The following ATG2B variants were observed in gnomAD, a reference collection of about 807,000 sequenced individuals.
ATG2B encodes autophagy-related protein 2 homolog B.
In ATG2B, 121 loss-of-function variants were observed where a neutral mutation model predicts 241.3. The ratio of observed to expected loss-of-function variants is 0.50; its 90% CI spans 0.43 to 0.58. The LOEUF is 0.58. Ranked by LOEUF, ATG2B falls within the 20% of genes least tolerant of loss-of-function variation. The pLI, the probability that ATG2B is intolerant of heterozygous loss-of-function variation, is 0.00. For missense variants in ATG2B, 2,306 were observed against 2,491.6 expected (o/e 0.93, Z 1.59); for synonymous variants, 858 against 876.6 (o/e 0.98, Z 0.37).
At chr14:96,293,713 T>C (rs1315859860) in intron 36 of ATG2B, among the ~76,000 whole-genome samples, 1 of 152,204 alleles carries the variant, frequency 6.6e-6, no homozygotes, top group East Asian at 1.9e-4. Flanking sequence ...TAGGAGCCTT[T>C]GAGAGTACAA....
At chr14:96,349,431 T>G (rs1004564449) in intron 1 of ATG2B, among the ~76,000 whole-genome samples, 1 of 152,102 alleles carries the variant, frequency 6.6e-6, no homozygotes, top group Non-Finnish European at 1.5e-5. Flanking sequence ...ATGATGAGAT[T>G]CAAACTTTGA....
intron 1 of ATG2B, among the ~76,000 whole-genome samples, chr14:96,350,601 AATAAC>A (rs1210413253): frequency 8.5e-5 from 13 of 152,350 alleles, no homozygotes; most frequent in Middle Eastern, 6.8e-3. Context: ...TTCAAATTAA[AATAAC>A]ATATTTATTA....
intron 20 of ATG2B, among the ~76,000 whole-genome samples, chr14:96,316,925 G>A (rs1031337808): frequency 6.6e-6 from 1 of 151,838 alleles, no homozygotes; most frequent in Non-Finnish European, 1.5e-5. Flanking sequence ...AGCAGAATTA[G>A]CACCTGTTTT....
intron 1 of ATG2B, among the ~76,000 whole-genome samples, chr14:96,357,127 C>T (rs1476643578): frequency 6.6e-6 from 1 of 152,142 alleles, no homozygotes; most frequent in Admixed American, 6.5e-5. Flanking sequence ...ATGACAAATG[C>T]AATAAACAAT....
chr14:96,342,850 AAG>A (rs1888077965), intron 5 of ATG2B, among the ~76,000 whole-genome samples: 1 of 152,170 alleles, frequency 6.6e-6, no homozygotes, highest in Non-Finnish European at 1.5e-5. Context: ...CATTTTGAAT[AAG>A]AGATACTCAA....
chr14:96,340,895 C>T (rs1323235591), intron 6 of ATG2B, among the ~76,000 whole-genome samples: 1 of 143,024 alleles, frequency 7.0e-6, no homozygotes, highest in East Asian at 2.0e-4. Flanking sequence ...CCCTGCACCC[C>T]TGCCTGGGCA....
At chr14:96,288,792 C>T (rs577119450) in intron 41 of ATG2B, among the ~76,000 whole-genome samples, 52 of 147,260 alleles carry the variant, frequency 3.5e-4, no homozygotes, top group African/African-American at 1.2e-3. Flanking sequence ...CAGGGAATGA[C>T]GCTGACAACA....
At chr14:96,329,174 T>C (rs1347967658) in intron 12 of ATG2B, among the ~76,000 whole-genome samples, 1 of 152,196 alleles carries the variant, frequency 6.6e-6, no homozygotes, top group Non-Finnish European at 1.5e-5. Context: ...CGATAATTAT[T>C]TGTTCAATAA....
At position 96,281,314 on chromosome 14, in the gene ATG2B, TTAAA is replaced by T. The variant is rs1461305910; in HGVS notation, c.*4437_*4440del. ...AAGAGTATTCTTATTTTCATATTAT[TTAAA>T]TAGTCACATTAACAAGGTACATTTC... On this transcript the variant is annotated 3_prime_UTR_variant, in exon 42 of 42. Transcript: ENST00000359933. 3 of 152,226 alleles carry T rather than the reference TTAAA, an allele frequency of 2.0e-5. No homozygotes were observed. The highest frequency in any genetic ancestry group is 7.2e-5 in the African/African-American group (3 of 41,464). The allele number at this position is 152,226 out of a possible 1,614,324, so 9.4% of individuals were successfully genotyped here. A position where few individuals can be genotyped will look rare whatever the true frequency, so the allele number is the denominator to read the frequency against.
At chr14:96,288,847 C>T (rs1886408294) in intron 41 of ATG2B, among the ~76,000 whole-genome samples, 1 of 150,212 alleles carries the variant, frequency 6.7e-6, no homozygotes, top group South Asian at 2.1e-4. Context: ...ACAACCGTGT[C>T]AGAGAGCAAT....
chr14:96,358,022 G>A (rs1227538903), intron 1 of ATG2B, among the ~76,000 whole-genome samples: 4 of 152,170 alleles, frequency 2.6e-5, no homozygotes, highest in East Asian at 1.9e-4. Context: ...TGAGAGAAAC[G>A]GGACTTGATG....
intron 6 of ATG2B, among the ~76,000 whole-genome samples, chr14:96,340,148 AATATATATATC>A (rs1887988987): frequency 6.8e-5 from 1 of 14,618 alleles, no homozygotes; most frequent in East Asian, 5.5e-4. Flanking sequence ...GATATATATG[AATATATATATC>A]ATATATGATA....
intron 4 of ATG2B, among the ~76,000 whole-genome samples, chr14:96,344,362 T>A (rs1033391489): frequency 6.6e-6 from 1 of 152,202 alleles, no homozygotes; most frequent in South Asian, 2.1e-4. Context: ...CAGGAAAGCC[T>A]TAAATTCAGT....
Position 96,322,578 on chromosome 14 carries a change from G to C in ATG2B, c.2698C>G (p.Pro900Ala). The C allele has an allele frequency of 2.5e-6, 4 of 1,613,024 alleles. No homozygotes were observed. The highest frequency in any genetic ancestry group is 3.4e-6 in the Non-Finnish European group (4 of 1,179,728). ...VCDLRRPAPS[P>A]FSSRRVMFEN... Reference sequence around the variant, plus strand: ...AACATTACTCTACGAGAAGAAAAAGGAGATGGGGCTGGTCTTCTTAGATCA... The same window carrying C: ...AACATTACTCTACGAGAAGAAAAAGCAGATGGGGCTGGTCTTCTTAGATCA... The change falls in exon 17 of 42, where the codon CCT becomes GCT. Residue 900 changes from proline to alanine, a missense_variant. Physicochemically the swap from Pro to Ala is conservative, Grantham distance 27. Coordinates refer to ENST00000359933, the MANE Select transcript of ATG2B (RefSeq NM_018036.7).
At chr14:96,308,273 TATATATA>T (rs2139855125) in intron 29 of ATG2B, among the ~76,000 whole-genome samples, 1 of 39,424 alleles carries the variant, frequency 2.5e-5, no homozygotes, top group South Asian at 7.9e-4. Flanking sequence ...TATATATATA[TATATATA>T]TATTTTTTTT....
In ATG2B at chr14:96,344,677, A is replaced by T. The variant is rs764089540; in HGVS notation, c.558T>A (p.Thr186=). The change falls in exon 4 of 42, where the codon ACT becomes ACA. Residue 186 remains threonine, a synonymous_variant. Coordinates refer to ENST00000359933, the MANE Select transcript of ATG2B (RefSeq NM_018036.7). The stretch of plus-strand genomic sequence containing the variant: ...ACCTTTCTATTCGAATTTCAAGTGC[A>T]GTTCCAGTTTTGGAATTTTCTGGCA... ...EHVPENSKTG[T]ALEIRIERTV... 3 of 1,603,982 alleles carry T rather than the reference A, an allele frequency of 1.9e-6. No individual in the cohort carries two copies. The South Asian group carries it at 3.3e-5, about 18-fold the overall frequency.
chr14:96,295,449 G>T, intron 35 of ATG2B, 33 bp downstream of exon 35: 1 of 1,377,274 alleles, frequency 7.3e-7, no homozygotes, highest in Non-Finnish European at 1.0e-6. Context: ...CCAAGTACTT[G>T]GTATAGTCTT....
At position 96,329,999 on chromosome 14, in the gene ATG2B, G is replaced by A. The variant is rs936803444; in HGVS notation, c.1731-365C>T. ...ATGAGGTCTACCTATATTTTCTGCCGCTTTTGTTCTATTTTCCTACTGGCA... is the reference window on the plus strand; with the variant it reads ...ATGAGGTCTACCTATATTTTCTGCCACTTTTGTTCTATTTTCCTACTGGCA... On this transcript the variant is annotated intron_variant, in intron 11 of 41. Transcript: ENST00000359933. Among the ~76,000 whole-genome samples, 13 of 150,534 alleles carry A rather than the reference G, an allele frequency of 8.6e-5. No homozygotes were observed. In the East Asian group the frequency reaches 1.9e-3, roughly 23 times the overall value.
chr14:96,347,902 A>AATTGTT (rs1888211223), intron 1 of ATG2B, among the ~76,000 whole-genome samples: 3 of 152,222 alleles, frequency 2.0e-5, no homozygotes, highest in African/African-American at 7.2e-5. Context: ...AAATTATTAC[A>AATTGTT]CCCACTATGG....
Sources: allele counts gnomAD v4.1 joint callset (sites outside exome capture counted in the v4.1 genomes callset), GRCh38; gene constraint gnomAD v4.1.1; transcripts MANE v1.5; gene names NCBI Gene and HGNC (gene_info 2026-07-23, HGNC 2026-07-21).